The following ICE1 variants were observed in gnomAD, a reference collection of about 807,000 sequenced individuals.
The protein encoded by ICE1 is interactor of little elongation complex ELL subunit 1.
A neutral mutation model predicts 192.7 loss-of-function variants in ICE1; 64 were observed. That is an observed-to-expected ratio of 0.33 (90% CI 0.27 to 0.41). The LOEUF (loss-of-function observed/expected upper bound fraction) is 0.41, where lower values mean the gene tolerates loss of function less well. Among genes scored for constraint, ICE1 ranks in the 10% least tolerant of loss-of-function variants. The probability of loss-of-function intolerance (pLI) is 1.00; values close to 1 mark genes in which losing one functional copy is unlikely to be tolerated. For synonymous variants in ICE1, 1,010 were observed against 984.5 expected (o/e 1.03, Z -0.49); for missense variants, 2,708 against 2,696.0 (o/e 1.00, Z -0.10).
Position 5,462,460 on chromosome 5 carries a change from A to G in ICE1, c.3126A>G (p.Pro1042=). The change falls in exon 13 of 19, where the codon CCA becomes CCG. Residue 1042 remains proline, a synonymous_variant. Transcript: ENST00000296564. ...TTGCAAATGATTCTACCAGCACACC[A>G]CAAAATGCTAATGGACTTTGGAAAT... is the stretch of plus-strand genomic sequence containing the variant. ...LAVANDSTST[P]QNANGLWKLK... 6.2e-7 allele frequency: 1 copy of G among 1,614,000 alleles called. No homozygotes were observed. Among genetic ancestry groups the G allele is most frequent in the Non-Finnish European group, 8.5e-7 (1 of 1,179,884 alleles).
rs202035188 is a variant in ICE1 at position 5,464,351 on chromosome 5, C to T, written c.5017C>T (p.Arg1673Cys). The T allele has an allele frequency of 7.6e-5, 122 of 1,613,654 alleles. No homozygotes were observed. Among genetic ancestry groups the T allele is most frequent in the Middle Eastern group, 6.6e-4 (4 of 6,084 alleles). ...TCCTGTTGGCCAGGTTTCTCCCTTC[C>T]GTGAAACCCCAGTGCCTCCTGCCAT... ...ASPVGQVSPF[R>C]ETPVPPAMSP... Residue 1673 changes from arginine to cysteine, a missense_variant, in exon 13 of 19, where the codon CGT (arginine) becomes TGT (cysteine). Physicochemically the swap from Arg to Cys is radical, Grantham distance 180. Transcript: ENST00000296564. The surrounding 1 kb of genome is among the most constrained non-coding windows in gnomAD (Gnocchi z 4.0).
Position 5,460,600 on chromosome 5 carries a change from A to T in ICE1, c.1266A>T (p.Ser422=). ...GSGTWEEKPK[S]HEAIQALNTW... ...GCACATGGGAGGAAAAGCCCAAATCACATGAAGCTATCCAAGCTCTGAATA... is the reference window on the plus strand; with the variant it reads ...GCACATGGGAGGAAAAGCCCAAATCTCATGAAGCTATCCAAGCTCTGAATA... Residue 422 remains serine (S), a synonymous_variant, in exon 13 of 19, where the codon TCA becomes TCT. Transcript: ENST00000296564. 6.2e-7 allele frequency: 1 copy of T among 1,613,542 alleles called. No individual in the cohort carries two copies. Among genetic ancestry groups the T allele is most frequent in the Non-Finnish European group, 8.5e-7 (1 of 1,179,670 alleles).
intron 10 of ICE1, among the ~76,000 whole-genome samples, chr5:5,451,510 G>A (rs966819919): frequency 1.3e-5 from 2 of 152,030 alleles, no homozygotes; most frequent in South Asian, 2.1e-4. Flanking sequence ...AGGAAAAACA[G>A]CACCAGGATT....
chr5:5,476,806 G>A (rs1248833316), intron 17 of ICE1, among the ~76,000 whole-genome samples: 4 of 152,124 alleles, frequency 2.6e-5, no homozygotes, highest in Non-Finnish European at 5.9e-5. Flanking sequence ...AGATTTGGGC[G>A]GGGACAGATA....
intron 13 of ICE1, 64 bp downstream of exon 13, chr5:5,465,290 A>G (rs1738951336): frequency 8.5e-7 from 1 of 1,179,210 alleles, no homozygotes. Context: ...GATGCTGTTT[A>G]CTGTCAGCAA....
At chr5:5,479,112 C>T (rs1340371337) in intron 17 of ICE1, among the ~76,000 whole-genome samples, 2 of 152,162 alleles carry the variant, frequency 1.3e-5, no homozygotes, top group African/African-American at 4.8e-5. Context: ...TCTCATTAAA[C>T]TAAAGAGCTT....
intron 1 of ICE1, among the ~76,000 whole-genome samples, chr5:5,429,197 T>G (rs138209410): frequency 6.6e-6 from 1 of 152,254 alleles, no homozygotes; most frequent in African/African-American, 2.4e-5. Flanking sequence ...TGCCTGAGTT[T>G]TTTTTACTGG....
chr5:5,439,277 C>T (rs925265448), intron 3 of ICE1, among the ~76,000 whole-genome samples: 4 of 152,116 alleles, frequency 2.6e-5, no homozygotes, highest in Admixed American at 6.5e-5. Context: ...AGGATGCACA[C>T]GTTTTTATGA....
chr5:5,459,718 T>C (rs1738694563), intron 12 of ICE1, among the ~76,000 whole-genome samples: 1 of 152,186 alleles, frequency 6.6e-6, no homozygotes, highest in African/African-American at 2.4e-5. Flanking sequence ...TCTTCACCAG[T>C]CCACTGTTCT....
Position 5,461,788 on chromosome 5 carries a change from G to T in ICE1, c.2454G>T (p.Gln818His), listed in dbSNP as rs1738790817. Residue 818 changes from glutamine to histidine, a missense_variant, in exon 13 of 19, where the codon CAG becomes CAT. This residue lies in a region of ICE1 where 2,366 missense variants were observed against 2,276.6 expected (regional missense o/e 1.04). Coordinates refer to ENST00000296564, the MANE Select transcript of ICE1 (RefSeq NM_015325.3). ...KSEHEQKTSH[Q>H]LQKAMPFLQN... ...AACATGAACAGAAGACTAGCCATCA[G>T]TTACAAAAGGCAATGCCATTCCTAC... is the stretch of plus-strand genomic sequence containing the variant. 6.2e-7 allele frequency: 1 copy of T among 1,613,818 alleles called. No individual in the cohort carries two copies. The highest frequency in any genetic ancestry group is 1.3e-5 in the African/African-American group (1 of 74,928).
chr5:5,445,079 G>A (rs184992266), intron 7 of ICE1, among the ~76,000 whole-genome samples: 60 of 152,288 alleles, frequency 3.9e-4, no homozygotes, highest in African/African-American at 1.4e-3. Context: ...TACCTGCTAT[G>A]GGTTTCTGAC....
rs762216617 is a variant in ICE1 at position 5,456,584 on chromosome 5, A to AT, written c.692-739dup. Among the ~76,000 whole-genome samples the AT allele has an allele frequency of 2.9e-4, 43 of 149,684 alleles. No homozygotes were observed. In the East Asian group the frequency reaches 4.1e-3, roughly 14 times the overall value. Reference sequence around the variant, plus strand: ...GCTCTGGGTCCTTCATAAATACTCCATTTTTTTTTGAGTTGTTTACTTCTG... The same window carrying AT: ...GCTCTGGGTCCTTCATAAATACTCCATTTTTTTTTTGAGTTGTTTACTTCTG... On this transcript the variant is annotated intron_variant, in intron 11 of 18. Coordinates refer to ENST00000296564, the MANE Select transcript of ICE1 (RefSeq NM_015325.3).
At chr5:5,434,305 A>G (rs185848269) in intron 1 of ICE1, among the ~76,000 whole-genome samples, 4 of 152,290 alleles carry the variant, frequency 2.6e-5, no homozygotes, top group African/African-American at 9.6e-5. Flanking sequence ...TATTGTGCTG[A>G]AGCCTTAGTC....
At chr5:5,483,958 G>A (rs1006824463) in intron 17 of ICE1, among the ~76,000 whole-genome samples, 18 of 152,164 alleles carry the variant, frequency 1.2e-4, no homozygotes, top group Admixed American at 5.2e-4. Context: ...CTTCTAATTA[G>A]TGTTTATTAG....
intron 1 of ICE1, among the ~76,000 whole-genome samples, chr5:5,430,976 A>G (rs1383927575): frequency 6.6e-6 from 1 of 152,222 alleles, no homozygotes; most frequent in Non-Finnish European, 1.5e-5. Context: ...TATGCCAGTT[A>G]TTTAAACTCT....
intron 1 of ICE1, among the ~76,000 whole-genome samples, chr5:5,424,473 A>G (rs1180059709): frequency 2.0e-5 from 3 of 151,876 alleles, no homozygotes; most frequent in Non-Finnish European, 2.9e-5. Context: ...CTCAACAAAC[A>G]TTTATTGATC....
chr5:5,460,611 T>A lies in ICE1; in HGVS notation c.1277T>A (p.Ile426Asn). ...WEEKPKSHEA[I>N]QALNTWEVNK... ...GAAAAGCCCAAATCACATGAAGCTA[T>A]CCAAGCTCTGAATACATGGGAAGTA... Residue 426 changes from isoleucine to asparagine, a missense_variant, in exon 13 of 19, where the codon ATC (isoleucine) becomes AAC (asparagine). Transcript: ENST00000296564. 6.2e-7 allele frequency: 1 copy of A among 1,613,660 alleles called. No homozygotes were observed. Among genetic ancestry groups the A allele is most frequent in the Non-Finnish European group, 8.5e-7 (1 of 1,179,746 alleles).
Position 5,460,902 on chromosome 5 carries a change from C to T in ICE1, c.1568C>T (p.Ala523Val), listed in dbSNP as rs528496805. 7.4e-6 allele frequency: 12 copies of T among 1,614,014 alleles called. No homozygotes were observed. The South Asian group carries it at 9.9e-5, about 13-fold the overall frequency. ...LSASPAQEKE[A>V]APGKSELCSS... ...GCCAGCCCTGCACAAGAGAAGGAAG[C>T]TGCCCCTGGGAAGTCTGAGTTGTGT... Residue 523 changes from alanine to valine, a missense_variant, in exon 13 of 19, where the codon GCT becomes GTT. By Grantham distance (64) the Ala-to-Val change is moderately conservative. Coordinates refer to ENST00000296564, the MANE Select transcript of ICE1 (RefSeq NM_015325.3).
chr5:5,441,410 T>A (rs1738050513), intron 5 of ICE1, among the ~76,000 whole-genome samples, 187 bp downstream of exon 5: 1 of 152,228 alleles, frequency 6.6e-6, no homozygotes, highest in Admixed American at 6.5e-5. Context: ...ACAGTGATTA[T>A]TAGCTCTGCA....
Sources: gnomAD v4.1 joint callset for allele counts (sites outside exome capture counted in the v4.1 genomes callset) on GRCh38, gnomAD v4.1.1 for gene constraint, gnomAD v4.1.1 regional missense constraint, Gnocchi (gnomAD v3.1) non-coding constraint, MANE v1.5 for transcripts, NCBI Gene and HGNC (gene_info 2026-07-23, HGNC 2026-07-21) for gene names.